The following PCDH15 variants were observed in gnomAD, a reference collection of about 807,000 sequenced individuals.
PCDH15 encodes protocadherin-15.
PCDH15 carries 129 observed loss-of-function variants against 178.5 expected under a neutral mutation model. The observed-to-expected ratio is 0.72, with a 90% CI of 0.63 to 0.84. The LOEUF is 0.84. PCDH15 is among the 40% of genes least tolerant of loss of function. The pLI is 0.00. For synonymous variants in PCDH15, 800 were observed against 732.0 expected, an observed-to-expected ratio of 1.09 and a Z score of -1.50; for missense variants, 2,230 against 2,099.9, an observed-to-expected ratio of 1.06 and a Z score of -1.21.
chr10:55,267,386 T>C (rs528177110), intron 1 of PCDH15, among the ~76,000 whole-genome samples: 1 of 152,234 alleles, frequency 6.6e-6, no homozygotes, highest in Non-Finnish European at 1.5e-5. Context: ...CATGTAATTA[T>C]TGTGTTAACT....
chr10:55,375,267 GA>G (rs1296064638), intron 2 of PCDH15, among the ~76,000 whole-genome samples: 4 of 152,028 alleles, frequency 2.6e-5, no homozygotes, highest in Admixed American at 6.6e-5. Flanking sequence ...TTTCTTTAAG[GA>G]AAACTTAAGA....
chr10:54,911,327 G>C (rs553695932), intron 2 of PCDH15, among the ~76,000 whole-genome samples: 32 of 152,180 alleles, frequency 2.1e-4, no homozygotes, highest in African/African-American at 7.2e-4. Context: ...ACAAATTTTT[G>C]TTATAAGTTT....
In PCDH15 at chr10:54,323,407, T is replaced by G. The variant is rs530948726; in HGVS notation, c.706-5966A>C. The stretch of plus-strand genomic sequence containing the variant: ...TAGTGCATTCTACCAAAAAGACACA[T>G]GCATGTCTACATTAATTGCCATGCT... On this transcript the variant is annotated intron_variant, in intron 7 of 37. Coordinates refer to ENST00000644397, the MANE Select transcript of PCDH15 (RefSeq NM_001384140.1). Among the ~76,000 whole-genome samples the G allele has an allele frequency of 2.0e-4, 31 of 152,236 alleles. 1 individual carries two copies. Among genetic ancestry groups the G allele is most frequent in the African/African-American group, 6.0e-4 (25 of 41,574 alleles).
rs538735333 is a variant in PCDH15, at chr10:55,172,702, T to A, written c.-155-6051A>T. ...ACACAGAACACACTATTCTTTAAAT[T>A]ATGTTTTATAGAATATTTATGGTAT... is the stretch of plus-strand genomic sequence containing the variant. On this transcript the variant is annotated intron_variant, in intron 1 of 5. Transcript: ENST00000458638. Among the ~76,000 whole-genome samples, 9 of 152,170 alleles carry A rather than the reference T, an allele frequency of 5.9e-5. No individual in the cohort carries two copies. The South Asian group carries it at 1.9e-3, about 32-fold the overall frequency.
chr10:53,888,965 G>A (rs1288303019), intron 26 of PCDH15, among the ~76,000 whole-genome samples: 2 of 150,210 alleles, frequency 1.3e-5, no homozygotes, highest in African/African-American at 4.9e-5. Flanking sequence ...CAAGTAGAGT[G>A]GAGAAAAAAA....
At chr10:55,052,127 G>T (rs574429252) in intron 2 of PCDH15, among the ~76,000 whole-genome samples, 3 of 147,404 alleles carry the variant, frequency 2.0e-5, no homozygotes, top group African/African-American at 7.5e-5. Flanking sequence ...TCGCTCAGTT[G>T]CTCAGGCTGG....
chr10:55,344,890 T>A (rs940687294), intron 2 of PCDH15, among the ~76,000 whole-genome samples: 4 of 152,056 alleles, frequency 2.6e-5, no homozygotes, highest in African/African-American at 9.7e-5. Flanking sequence ...GCAGAGAGGA[T>A]AACACTATAA....
rs189610612 is a variant in PCDH15 at position 54,041,577 on chromosome 10, G to A, written c.2221-18380C>T. 2.5e-4 allele frequency among the ~76,000 whole-genome samples: 38 copies of A among 152,136 alleles called. No homozygotes were observed. In the South Asian group the frequency reaches 2.7e-3, roughly 11 times the overall value. On this transcript the variant is annotated intron_variant, in intron 18 of 37. Transcript: ENST00000644397. The stretch of plus-strand genomic sequence containing the variant: ...ATTGCATAATAAGAGCATACAGCAG[G>A]ACTTTTAACCCGGCCTCCTGAAAAT...
At chr10:55,395,170 T>TGC (rs1353261836) in intron 2 of PCDH15, among the ~76,000 whole-genome samples, 1 of 75,344 alleles carries the variant, frequency 1.3e-5, no homozygotes, top group East Asian at 3.7e-4. Flanking sequence ...TTTAACTGCG[T>TGC]GTGTGTGTGT....
chr10:55,597,604 T>G (rs1448703576), intron 2 of PCDH15, among the ~76,000 whole-genome samples: 3 of 152,168 alleles, frequency 2.0e-5, no homozygotes, highest in African/African-American at 4.8e-5. Flanking sequence ...CAAGCATCCC[T>G]CTCTGAAAAG....
chr10:54,138,339 C>A (rs2043075529), intron 14 of PCDH15, among the ~76,000 whole-genome samples: 1 of 151,882 alleles, frequency 6.6e-6, no homozygotes. Context: ...AGGAATTTTT[C>A]TTTGTGGGTT....
At chr10:54,247,725 A>C (rs2056094364) in intron 8 of PCDH15, among the ~76,000 whole-genome samples, 1 of 151,836 alleles carries the variant, frequency 6.6e-6, no homozygotes, top group Admixed American at 6.6e-5. Flanking sequence ...AAATATGCCA[A>C]GCTTGCCAAT....
chr10:54,457,395 T>C (rs2136392540), intron 3 of PCDH15, among the ~76,000 whole-genome samples: 1 of 152,274 alleles, frequency 6.6e-6, no homozygotes. Flanking sequence ...TCCTATTCTT[T>C]CTAGTACCTC....
At chr10:54,415,110 T>C (rs1440936360) in intron 3 of PCDH15, among the ~76,000 whole-genome samples, 2 of 152,126 alleles carry the variant, frequency 1.3e-5, no homozygotes, top group Admixed American at 1.3e-4. Flanking sequence ...TTAAAATCTA[T>C]ACCTCTAAAG....
chr10:54,552,403 T>C (rs2086717807), intron 2 of PCDH15, among the ~76,000 whole-genome samples: 1 of 152,172 alleles, frequency 6.6e-6, no homozygotes. Flanking sequence ...TAAGCCTTTA[T>C]TTAAAACTTT....
chr10:53,840,498 T>C lies in PCDH15; in HGVS notation c.3807-2A>G, dbSNP rs1328440878. On this transcript the variant is annotated splice_acceptor_variant, in intron 28 of 37. Coordinates refer to ENST00000644397, the MANE Select transcript of PCDH15 (RefSeq NM_001384140.1). LOFTEE classifies it high-confidence loss of function. ...TCCTGAACATAGCGATCCAAGATCC[T>C]ATAAATCAAACAAAGTACAAACATG... 6.2e-7 allele frequency: 1 copy of C among 1,613,276 alleles called. No individual in the cohort carries two copies. The highest frequency in any genetic ancestry group is 8.5e-7 in the Non-Finnish European group (1 of 1,179,332).
intron 2 of PCDH15, among the ~76,000 whole-genome samples, chr10:54,939,473 C>G (rs1379847889): frequency 1.2e-5 from 1 of 82,806 alleles, no homozygotes; most frequent in Admixed American, 2.0e-4. Flanking sequence ...CCAGTCTGGG[C>G]AATAGAATGA....
intron 1 of PCDH15, among the ~76,000 whole-genome samples, chr10:55,256,928 C>T (rs1278042398): frequency 6.6e-6 from 1 of 152,230 alleles, no homozygotes; most frequent in African/African-American, 2.4e-5. Context: ...ACTGCCTCCT[C>T]AAGTGGGTCC....
At chr10:54,347,879 C>T (rs952082712) in intron 5 of PCDH15, among the ~76,000 whole-genome samples, 8 of 148,478 alleles carry the variant, frequency 5.4e-5, no homozygotes, top group Non-Finnish European at 1.2e-4. Context: ...GATGGAGTCT[C>T]ACTCTGTCAC....
Sources: allele counts gnomAD v4.1 joint callset (sites outside exome capture counted in the v4.1 genomes callset), GRCh38; gene constraint gnomAD v4.1.1; transcripts MANE v1.5; gene names NCBI Gene and HGNC (gene_info 2026-07-23, HGNC 2026-07-21).